Variants in CEACAM7 observed in about 807,000 individuals in gnomAD.
The protein encoded by CEACAM7 is CEA cell adhesion molecule 7.
A neutral mutation model predicts 25.7 loss-of-function variants in CEACAM7; 24 were observed. The observed-to-expected ratio is 0.93, with a 90% CI of 0.68 to 1.31. CEACAM7 has a LOEUF of 1.31. Ranked by LOEUF, CEACAM7 falls within the 40% of genes most tolerant of loss-of-function variation. The pLI is 0.00. For missense variants in CEACAM7, 324 were observed against 330.1 expected (o/e 0.98, Z 0.14); for synonymous variants, 144 against 129.4 (o/e 1.11, Z -0.77).
In CEACAM7 at chr19:41,683,926, T is replaced by G. The variant is rs781978564; in HGVS notation, c.565A>C (p.Ser189Arg). Residue 189 changes from serine (S) to arginine (R), a missense_variant, in exon 3 of 5, where the codon AGT becomes CGT. Physicochemically the swap from Ser to Arg is moderately radical, Grantham distance 110. Coordinates refer to ENST00000401731, the MANE Select transcript of CEACAM7 (RefSeq NM_001291485.2). ...TCAGTGGAGAGCAGCAGCCTGGGAC[T>G]GACCAGGAGGCTCTGATTGTTTACC... ...WWVNNQSLLV[S>R]PRLLLSTDNR... The G allele has an allele frequency of 1.2e-6, 2 of 1,614,234 alleles. No individual in the cohort carries two copies. Among genetic ancestry groups the G allele is most frequent in the East Asian group, 4.5e-5 (2 of 44,888 alleles).
At position 41,686,851 on chromosome 19, in the gene CEACAM7, T is replaced by C; in HGVS notation, c.427+8A>G. On this transcript the variant is annotated splice_region_variant and intron_variant, in intron 2 of 4. Coordinates refer to ENST00000401731, the MANE Select transcript of CEACAM7 (RefSeq NM_001291485.2). ...CCAGCACCCAGAAGTCATGGAGGTA[T>C]CACTCACAGAATACGTAGAATTGTC... The C allele has an allele frequency of 6.6e-7, 1 of 1,522,746 alleles. No homozygotes were observed. The allele number at this position is 1,522,746 out of a possible 1,614,324, so 94.3% of individuals were successfully genotyped here.
chr19:41,675,409 C>A (rs2072104446), intron 4 of CEACAM7, among the ~76,000 whole-genome samples: 1 of 152,176 alleles, frequency 6.6e-6, no homozygotes, highest in South Asian at 2.1e-4. Context: ...ATCAAAACTT[C>A]AACTAAAAAT....
intron 1 of CEACAM7, 121 bp downstream of exon 1, chr19:41,687,981 C>T (rs2072245424): frequency 1.5e-6 from 1 of 683,796 alleles, no homozygotes; most frequent in Admixed American, 3.2e-5. Context: ...GTCTGGTGTC[C>T]TCTCCCAAAG....
At chr19:41,675,106 T>C (rs1291417572) in intron 4 of CEACAM7, among the ~76,000 whole-genome samples, 1 of 152,222 alleles carries the variant, frequency 6.6e-6, no homozygotes, top group Non-Finnish European at 1.5e-5. Flanking sequence ...GTTCATTCTA[T>C]GTATATTTCC....
intron 3 of CEACAM7, among the ~76,000 whole-genome samples, chr19:41,683,179 G>A (rs116688663): frequency 1.4e-4 from 21 of 152,200 alleles, no homozygotes; most frequent in African/African-American, 5.1e-4. Flanking sequence ...GTACTATTGC[G>A]GTCAGTGGCC....
chr19:41,674,965 A>T (rs2072099967), intron 4 of CEACAM7, among the ~76,000 whole-genome samples: 1 of 152,196 alleles, frequency 6.6e-6, no homozygotes, highest in Admixed American at 6.5e-5. Flanking sequence ...ACCACATAGC[A>T]TCTTTTTAAG....
chr19:41,679,129 GA>G (rs1204528914), intron 3 of CEACAM7, among the ~76,000 whole-genome samples: 7 of 151,492 alleles, frequency 4.6e-5, no homozygotes, highest in African/African-American at 9.7e-5. Flanking sequence ...GATCGACTAA[GA>G]AAAAAAATGA....
Position 41,677,420 on chromosome 19 carries a change from G to A in CEACAM7, c.790C>T (p.Leu264=), listed in dbSNP as rs2072125595. 6.2e-7 allele frequency: 1 copy of A among 1,611,604 alleles called. No homozygotes were observed. The highest frequency in any genetic ancestry group is 8.5e-7 in the Non-Finnish European group (1 of 1,177,822). ...IMIGVLAGMA[L]I ...AAACTACACCAAGGCTGCTATATCAGAGCCATCCCAGCCAGTACTCCAATC... is the reference window on the plus strand; with the variant it reads ...AAACTACACCAAGGCTGCTATATCAAAGCCATCCCAGCCAGTACTCCAATC... The change falls in exon 4 of 5, where the codon CTG becomes TTG. Residue 264 remains leucine (L), a synonymous_variant. Transcript: ENST00000401731.
intron 1 of CEACAM7, among the ~76,000 whole-genome samples, 176 bp from the exon 2 acceptor site, chr19:41,687,397 G>C (rs1254466300): frequency 1.3e-5 from 2 of 152,042 alleles, no homozygotes; most frequent in Non-Finnish European, 2.9e-5. Flanking sequence ...CAGCACCTCT[G>C]ACCTTACATT....
chr19:41,683,816 G>T lies in CEACAM7; in HGVS notation c.675C>A (p.Ser225Arg). Residue 225 changes from serine (S) to arginine (R), a missense_variant, in exon 3 of 5, where the codon AGC becomes AGA. Physicochemically the swap from Ser to Arg is moderately radical, Grantham distance 110. Transcript: ENST00000401731. ...CATTCAGGGTGACTGGGTCACTGCG[G>T]CTGGCACCCACTGGGTTCTGTATTT... ...ECEIQNPVGA[S>R]RSDPVTLNVR... 2 of 1,614,182 alleles carry T rather than the reference G, an allele frequency of 1.2e-6. No homozygotes were observed. The highest frequency in any genetic ancestry group is 1.7e-6 in the Non-Finnish European group (2 of 1,180,026).
rs1568688282 is a variant in CEACAM7 at position 41,683,900 on chromosome 19, G to A, written c.591C>T (p.Asp197=). 6.2e-7 allele frequency: 1 copy of A among 1,614,210 alleles called. No homozygotes were observed. Among genetic ancestry groups the A allele is most frequent in the Non-Finnish European group, 8.5e-7 (1 of 1,180,034 alleles). The change falls in exon 3 of 5, where the codon GAC becomes GAT. Residue 197 remains aspartate (D), a synonymous_variant. Transcript: ENST00000401731. ...CGCTGAGTAGAACGAGGGTCCTGTTGTCAGTGGAGAGCAGCAGCCTGGGAC... is the reference window on the plus strand; with the variant it reads ...CGCTGAGTAGAACGAGGGTCCTGTTATCAGTGGAGAGCAGCAGCCTGGGAC... ...LVSPRLLLST[D]NRTLVLLSAT...
chr19:41,675,951 T>C (rs1432610337), intron 4 of CEACAM7, among the ~76,000 whole-genome samples: 2 of 152,272 alleles, frequency 1.3e-5, no homozygotes, highest in Admixed American at 1.3e-4. Context: ...AACATATCAA[T>C]TAAGGTGAAT....
intron 4 of CEACAM7, among the ~76,000 whole-genome samples, chr19:41,676,291 A>T (rs559915566): frequency 2.6e-5 from 4 of 152,350 alleles, no homozygotes; most frequent in Non-Finnish European, 4.4e-5. Context: ...GTGTGTAGCC[A>T]TATTTCCCAT....
chr19:41,682,871 T>A (rs2072189060), intron 3 of CEACAM7, among the ~76,000 whole-genome samples: 1 of 152,220 alleles, frequency 6.6e-6, no homozygotes, highest in Admixed American at 6.5e-5. Context: ...TGCTTTTCCC[T>A]CTGTGAAGCT....
In CEACAM7 at chr19:41,674,605, T is replaced by C; in HGVS notation, c.*171A>G. ...CTCTGAGTGGCCCACATCTCAGGCA[T>C]GAGGGTTTTTCCTTGAAATTTACAT... On this transcript the variant is annotated 3_prime_UTR_variant, in exon 5 of 5. Coordinates refer to ENST00000401731, the MANE Select transcript of CEACAM7 (RefSeq NM_001291485.2). 8.7e-6 allele frequency: 3 copies of C among 345,058 alleles called. No individual in the cohort carries two copies. The highest frequency in any genetic ancestry group is 7.2e-5 in the South Asian group (3 of 41,432). The allele number at this position is 345,058 out of a possible 1,614,324, so 21.4% of individuals were successfully genotyped here. A position where few individuals can be genotyped will look rare whatever the true frequency, so the allele number is the denominator to read the frequency against.
At chr19:41,685,037 G>A (rs917822790) in intron 2 of CEACAM7, among the ~76,000 whole-genome samples, 3 of 152,194 alleles carry the variant, frequency 2.0e-5, no homozygotes, top group African/African-American at 7.2e-5. Context: ...AGGTGTATGC[G>A]GAATGGACAG....
chr19:41,683,634 A>T, intron 3 of CEACAM7, 151 bp downstream of exon 3: 1 of 1,351,108 alleles, frequency 7.4e-7, no homozygotes, highest in Non-Finnish European at 1.0e-6. Context: ...GGGTCTGCCC[A>T]GGTTTGCTTG....
intron 3 of CEACAM7, among the ~76,000 whole-genome samples, chr19:41,679,254 A>G (rs1239329472): frequency 6.6e-6 from 1 of 152,204 alleles, no homozygotes; most frequent in Non-Finnish European, 1.5e-5. Flanking sequence ...GAGAACCTGG[A>G]TGAAATAAAT....
rs137984807 is a variant in CEACAM7 at position 41,684,893 on chromosome 19, G to A, written c.428-830C>T. On this transcript the variant is annotated intron_variant, in intron 2 of 4. Transcript: ENST00000401731. ...AGAAATGCTTTCTTCCTTTTCTCTCGACCTACGGAAACACAACAAGAGTTT... is the reference window on the plus strand; with the variant it reads ...AGAAATGCTTTCTTCCTTTTCTCTCAACCTACGGAAACACAACAAGAGTTT... Among the ~76,000 whole-genome samples, 1,363 of 152,288 alleles carry A rather than the reference G, an allele frequency of 9.0e-3. 13 individuals are homozygous for A. The highest frequency in any genetic ancestry group is 0.03 in the African/African-American group (1,253 of 41,554).
Sources: gnomAD v4.1 joint callset for allele counts (sites outside exome capture counted in the v4.1 genomes callset) on GRCh38, gnomAD v4.1.1 for gene constraint, MANE v1.5 for transcripts, NCBI Gene and HGNC (gene_info 2026-07-23, HGNC 2026-07-21) for gene names.